Variants in FZD4 observed in about 807,000 individuals in gnomAD.
FZD4 encodes the protein frizzled class receptor 4, also known as frizzled-4.
FZD4 carries 16 observed loss-of-function variants against 37.3 expected under a neutral mutation model. The ratio of observed to expected loss-of-function variants is 0.43; its 90% CI spans 0.29 to 0.65. The LOEUF is 0.65. FZD4 is among the 30% of genes least tolerant of loss of function. The probability of loss-of-function intolerance (pLI) is 0.16; values close to 1 mark genes in which losing one functional copy is unlikely to be tolerated. For synonymous variants in FZD4, 246 were observed against 254.8 expected (o/e 0.97, Z 0.33); for missense variants, 599 against 674.3 (o/e 0.89, Z 1.24).
At chr11:86,954,127 T>C (rs929548368) in intron 1 of FZD4, 13 of 423,602 alleles carry the variant, frequency 3.1e-5, no homozygotes, top group Non-Finnish European at 4.1e-5. Context: ...CTTATTACTG[T>C]GGAATAAACA....
chr11:86,953,543 A>G (rs1455061550), intron 1 of FZD4, among the ~76,000 whole-genome samples: 1 of 152,220 alleles, frequency 6.6e-6, no homozygotes, highest in East Asian at 1.9e-4. Context: ...ATGTAAAAAC[A>G]TGCACCTAGT....
At position 86,952,291 on chromosome 11, in the gene FZD4, G is replaced by A; in HGVS notation, c.465C>T (p.Asn155=). 6.2e-7 allele frequency: 1 copy of A among 1,614,198 alleles called. No individual in the cohort carries two copies. The change falls in exon 2 of 2, where the codon AAC becomes AAT. Residue 155 remains asparagine (N), a synonymous_variant. Coordinates refer to ENST00000531380, the MANE Select transcript of FZD4 (RefSeq NM_012193.4). ...CSKFPPQNDH[N]HMCMEGPGDE... is the part of the protein sequence containing the mutation. The stretch of plus-strand genomic sequence containing the variant: ...CACCTGGCCCTTCCATGCACATGTG[G>A]TTGTGGTCGTTCTGTGGTGGGAATT...
intron 1 of FZD4, chr11:86,954,461 C>G: frequency 2.5e-5 from 25 of 985,378 alleles, no homozygotes; most frequent in Non-Finnish European, 3.0e-5. Flanking sequence ...TTAGCTGCAG[C>G]TGGCTCCCTC....
chr11:86,955,320 G>GC lies in FZD4; in HGVS notation c.-236dup. The stretch of plus-strand genomic sequence containing the variant: ...CGAGGGTCATGGCTGCAGGCGGCGA[G>GC]CCCACAAGCCGGCGCCGGCCGCGTC... On this transcript the variant is annotated 5_prime_UTR_variant, in exon 1 of 2. Coordinates refer to ENST00000531380, the MANE Select transcript of FZD4 (RefSeq NM_012193.4). The GC allele has an allele frequency of 2.5e-6, 1 of 401,354 alleles. No individual in the cohort carries two copies. The highest frequency in any genetic ancestry group is 4.4e-6 in the Non-Finnish European group (1 of 229,050). The allele number at this position is 401,354 out of a possible 1,614,324, so 24.9% of individuals were successfully genotyped here. A position where few individuals can be genotyped will look rare whatever the true frequency, so the allele number is the denominator to read the frequency against.
intron 1 of FZD4, 76 bp downstream of exon 1, chr11:86,954,725 G>T: frequency 2.0e-6 from 3 of 1,514,378 alleles, no homozygotes; most frequent in Non-Finnish European, 2.7e-6. Flanking sequence ...GATCAACTTG[G>T]CATGGGCTCT....
chr11:86,954,727 A>G (rs1949321232), intron 1 of FZD4, 74 bp downstream of exon 1: 1 of 1,517,260 alleles, frequency 6.6e-7, no homozygotes, highest in Non-Finnish European at 8.8e-7. Flanking sequence ...TCAACTTGGC[A>G]TGGGCTCTGC....
At position 86,948,176 on chromosome 11, in the gene FZD4, A is replaced by G. The variant is rs1294373138; in HGVS notation, c.*2966T>C. ...AAGGGATGAGAGATGTGTTAAAAGT[A>G]GAGAGACCCAGGCTGGGTGTGGTGG... On this transcript the variant is annotated 3_prime_UTR_variant, in exon 2 of 2. Coordinates refer to ENST00000531380, the MANE Select transcript of FZD4 (RefSeq NM_012193.4). 6.6e-6 allele frequency: 1 copy of G among 151,326 alleles called. No homozygotes were observed. The highest frequency in any genetic ancestry group is 1.5e-5 in the Non-Finnish European group (1 of 68,054). The allele number at this position is 151,326 out of a possible 1,614,324, so 9.4% of individuals were successfully genotyped here. A position where few individuals can be genotyped will look rare whatever the true frequency, so the allele number is the denominator to read the frequency against.
rs1342206795 is a variant in FZD4 at position 86,951,324 on chromosome 11, T to C, written c.1432A>G (p.Met478Val). Reference sequence around the variant, plus strand: ...AACAAAGACATAAAAATTTTCAACATTTCAACAGCCATGTTGGAATCATCT... The same window carrying C: ...AACAAAGACATAAAAATTTTCAACACTTCAACAGCCATGTTGGAATCATCT... Reference protein sequence around the residue: ...SADDSNMAVEMLKIFMSLLVG... With the variant: ...SADDSNMAVEVLKIFMSLLVG... Residue 478 changes from methionine to valine, a missense_variant, in exon 2 of 2, where the codon ATG (methionine) becomes GTG (valine). By Grantham distance (21) the Met-to-Val change is conservative. Transcript: ENST00000531380. 3 of 1,614,052 alleles carry C rather than the reference T, an allele frequency of 1.9e-6. 1 individual carries two copies. In the South Asian group the frequency reaches 3.3e-5, roughly 18 times the overall value.
At chr11:86,953,609 TTTC>T (rs1158450955) in intron 1 of FZD4, among the ~76,000 whole-genome samples, 3 of 150,460 alleles carry the variant, frequency 2.0e-5, no homozygotes, top group Non-Finnish European at 4.5e-5. Flanking sequence ...GAACCACAGA[TTTC>T]TTTTCTTTTC....
At position 86,948,329 on chromosome 11, in the gene FZD4, A is replaced by G. The variant is rs754030401; in HGVS notation, c.*2813T>C. The G allele has an allele frequency of 3.3e-5, 5 of 152,102 alleles. No homozygotes were observed. The highest frequency in any genetic ancestry group is 6.6e-5 in the Admixed American group (1 of 15,262). 9.4% of individuals were successfully genotyped at this position (152,102 alleles called of 1,614,324 possible). On this transcript the variant is annotated 3_prime_UTR_variant, in exon 2 of 2. Coordinates refer to ENST00000531380, the MANE Select transcript of FZD4 (RefSeq NM_012193.4). ...GGTGCGTCCCCATCCTAGATCAGTT[A>G]GAAGAACAGAGATTATCTATTTCAG...
In FZD4 at chr11:86,952,489, G is replaced by C. The variant is rs1949303003; in HGVS notation, c.286-19C>G. The C allele has an allele frequency of 1.2e-6, 2 of 1,608,174 alleles. No homozygotes were observed. On this transcript the variant is annotated intron_variant, in intron 1 of 1. Transcript: ENST00000531380. The stretch of plus-strand genomic sequence containing the variant: ...GGAAGAACTGGAAAAGTAACAAAAT[G>C]AACACACACAAAAAAAACAATGACT...
Position 86,954,927 on chromosome 11 carries a change from G to A in FZD4, c.159C>T (p.Cys53=). ...RRCDPIRISM[C]QNLGYNVTKM... The stretch of plus-strand genomic sequence containing the variant: ...TGGTCACGTTGTAGCCGAGGTTCTG[G>A]CACATGGAGATGCGGATGGGGTCGC... Residue 53 remains cysteine, a synonymous_variant, in exon 1 of 2, where the codon TGC becomes TGT. Transcript: ENST00000531380. 1 of 1,613,504 alleles carries A rather than the reference G, an allele frequency of 6.2e-7. No homozygotes were observed. The highest frequency in any genetic ancestry group is 2.2e-5 in the East Asian group (1 of 44,828).
chr11:86,951,574 G>A lies in FZD4; in HGVS notation c.1182C>T (p.Pro394=), dbSNP rs766436611. The A allele has an allele frequency of 6.2e-7, 1 of 1,614,048 alleles. No individual in the cohort carries two copies. Among genetic ancestry groups the A allele is most frequent in the South Asian group, 1.1e-5 (1 of 91,070 alleles). ...TTCCAATGACCAAATAAGTAAAGAG[G>A]GGAGCCACCACGAACCCGGTGAGGG... ...LDALTGFVVA[P]LFTYLVIGTL... Residue 394 remains proline (P), a synonymous_variant, in exon 2 of 2, where the codon CCC becomes CCT. Coordinates refer to ENST00000531380, the MANE Select transcript of FZD4 (RefSeq NM_012193.4).
At chr11:86,954,578 C>T (rs1367167552) in intron 1 of FZD4, 9 of 985,208 alleles carry the variant, frequency 9.1e-6, no homozygotes, top group African/African-American at 5.2e-5. Context: ...GAGAGAAAAA[C>T]GGAAGGGCGG....
At position 86,948,042 on chromosome 11, in the gene FZD4, T is replaced by A. The variant is rs1441418730; in HGVS notation, c.*3100A>T. 1.3e-5 allele frequency: 2 copies of A among 151,818 alleles called. No individual in the cohort carries two copies. The highest frequency in any genetic ancestry group is 2.9e-5 in the Non-Finnish European group (2 of 68,072). The allele number at this position is 151,818 out of a possible 1,614,324, so 9.4% of individuals were successfully genotyped here. A position where few individuals can be genotyped will look rare whatever the true frequency, so the allele number is the denominator to read the frequency against. ...GCAGATGTGTGGGCCCATGTCCTTGTGGCCTACTCTCATAGTCTTCCTAAG... is the reference window on the plus strand; with the variant it reads ...GCAGATGTGTGGGCCCATGTCCTTGAGGCCTACTCTCATAGTCTTCCTAAG... On this transcript the variant is annotated 3_prime_UTR_variant, in exon 2 of 2. Transcript: ENST00000531380.
Position 86,951,647 on chromosome 11 carries a change from G to C in FZD4, c.1109C>G (p.Ala370Gly). The change falls in exon 2 of 2, where the codon GCA (alanine) becomes GGA (glycine). Residue 370 changes from alanine to glycine, a missense_variant. This residue lies in a region of FZD4 where 39 missense variants were observed against 81.4 expected (regional missense o/e 0.48). Coordinates refer to ENST00000531380, the MANE Select transcript of FZD4 (RefSeq NM_012193.4). Reference protein sequence around the residue: ...IVILIMRLVDADELTGLCYVG... With the variant: ...IVILIMRLVDGDELTGLCYVG... ...ATAGCACAAGCCAGTCAGTTCATCT[G>C]CATCCACCAGTCTCATAATCAAGAT... is the stretch of plus-strand genomic sequence containing the variant. 1 of 1,614,088 alleles carries C rather than the reference G, an allele frequency of 6.2e-7. No individual in the cohort carries two copies. Among genetic ancestry groups the C allele is most frequent in the Non-Finnish European group, 8.5e-7 (1 of 1,179,950 alleles).
Position 86,952,462 on chromosome 11 carries a change from A to G in FZD4, c.294T>C (p.Leu98=), listed in dbSNP as rs1949302817. 1 of 1,613,476 alleles carries G rather than the reference A, an allele frequency of 6.2e-7. No individual in the cohort carries two copies. Among genetic ancestry groups the G allele is most frequent in the Non-Finnish European group, 8.5e-7 (1 of 1,179,996 alleles). Residue 98 remains leucine (L), a synonymous_variant, in exon 2 of 2, where the codon CTT becomes CTC. Transcript: ENST00000531380. The stretch of plus-strand genomic sequence containing the variant: ...TGCACATTGGCACATAAACAGAACA[A>G]AGGAAGAACTGGAAAAGTAACAAAA... ...YGCSSQLQFF[L]CSVYVPMCTE... is the part of the protein sequence containing the mutation.
Position 86,949,357 on chromosome 11 carries a change from C to G in FZD4, c.*1785G>C, listed in dbSNP as rs992102152. On this transcript the variant is annotated 3_prime_UTR_variant, in exon 2 of 2. Coordinates refer to ENST00000531380, the MANE Select transcript of FZD4 (RefSeq NM_012193.4). ...ATGCTTACTTCCAGAATTTGACCAC[C>G]TTTTTGGAATTTTGAGTCCCTGGAA... 6.7e-6 allele frequency: 1 copy of G among 148,898 alleles called. No individual in the cohort carries two copies. The highest frequency in any genetic ancestry group is 6.7e-5 in the Admixed American group (1 of 14,928). The allele number at this position is 148,898 out of a possible 1,614,324, so 9.2% of individuals were successfully genotyped here. A position where few individuals can be genotyped will look rare whatever the true frequency, so the allele number is the denominator to read the frequency against.
rs1249187717 is a variant in FZD4, at chr11:86,951,054, T to G, written c.*88A>C. The G allele has an allele frequency of 8.7e-6, 12 of 1,386,728 alleles. No homozygotes were observed. The Admixed American group carries it at 2.0e-4, about 23-fold the overall frequency. The allele number at this position is 1,386,728 out of a possible 1,614,324, so 85.9% of individuals were successfully genotyped here. ...TGTTGCTAGTTTGTTCAAACTGAGA[T>G]TCACTGCATAAAACTTTTAGTAGAA... On this transcript the variant is annotated 3_prime_UTR_variant, in exon 2 of 2. Coordinates refer to ENST00000531380, the MANE Select transcript of FZD4 (RefSeq NM_012193.4).
Sources: allele counts gnomAD v4.1 joint callset (sites outside exome capture counted in the v4.1 genomes callset), GRCh38; gene constraint gnomAD v4.1.1; regional missense constraint gnomAD v4.1.1; transcripts MANE v1.5; gene names NCBI Gene and HGNC (gene_info 2026-07-23, HGNC 2026-07-21).